The following SMIM23 variants were observed in gnomAD, a reference collection of about 807,000 sequenced individuals.
SMIM23 encodes small integral membrane protein 23.
In SMIM23, 10 loss-of-function variants were observed where a neutral mutation model predicts 12.8. The observed-to-expected ratio is 0.78, with a 90% CI of 0.48 to 1.32. The LOEUF (loss-of-function observed/expected upper bound fraction) is 1.32. Among genes scored for constraint, SMIM23 ranks in the 40% most tolerant of loss-of-function variants. The pLI is 0.00. For missense variants in SMIM23, 184 were observed against 198.2 expected (o/e 0.93, Z 0.43); for synonymous variants, 78 against 80.1 (o/e 0.97, Z 0.14).
intron 1 of SMIM23, among the ~76,000 whole-genome samples, chr5:171,789,392 C>A (rs938070118): frequency 6.6e-6 from 1 of 152,114 alleles, no homozygotes; most frequent in African/African-American, 2.4e-5. Context: ...CATACATTTA[C>A]CATATAACCC....
upstream of SMIM23, among the ~76,000 whole-genome samples, chr5:171,781,177 T>C (rs1451693654): frequency 1.3e-5 from 2 of 152,168 alleles, no homozygotes; most frequent in Non-Finnish European, 2.9e-5. Context: ...CGGTAAGGTT[T>C]TCCTTTTAAT....
At chr5:171,788,173 AACACACAC>A (rs10566750) in intron 1 of SMIM23, among the ~76,000 whole-genome samples, 5 of 145,678 alleles carry the variant, frequency 3.4e-5, no homozygotes, top group African/African-American at 7.5e-5. Flanking sequence ...CACACACACA[AACACACAC>A]ACACACACAC....
At chr5:171,790,117 C>A in intron 1 of SMIM23, 113 bp from the exon 2 acceptor site, 2 of 1,083,366 alleles carry the variant, frequency 1.8e-6, no homozygotes, top group Non-Finnish European at 2.7e-6. Flanking sequence ...AAGTTAAACT[C>A]AAAAAACTGT....
the SMIM23 span, chr5:171,774,668 C>G: frequency 2.2e-6 from 1 of 451,860 alleles, no homozygotes. Context: ...GGCTCGCCCA[C>G]AAATCCCAGG....
At chr5:171,779,639 G>A (rs1273122595), upstream of SMIM23, among the ~76,000 whole-genome samples, 1 of 152,108 alleles carries the variant, frequency 6.6e-6, no homozygotes, top group Non-Finnish European at 1.5e-5. Flanking sequence ...TGCCAATTAT[G>A]TCATCTCTAT....
chr5:171,777,367 T>C, the SMIM23 span, among the ~76,000 whole-genome samples: 1 of 152,216 alleles, frequency 6.6e-6, no homozygotes, highest in Admixed American at 6.5e-5. Context: ...GCCGAACGCC[T>C]CATAAATTAA....
chr5:171,787,429 C>T (rs2113650976), intron 1 of SMIM23, among the ~76,000 whole-genome samples: 1 of 152,202 alleles, frequency 6.6e-6, no homozygotes, highest in Non-Finnish European at 1.5e-5. Context: ...GACTCAAACT[C>T]AATCCTAGTC....
chr5:171,786,083 C>A lies in SMIM23; in HGVS notation c.105+107C>A, dbSNP rs761816056. On this transcript the variant is annotated intron_variant, in intron 1 of 3. Transcript: ENST00000523047. ...GCCCGGAATGAATCTTGGACCCAAC[C>A]GTCCCTGGATCCCACTCTGATGGAG... 72 of 905,400 alleles carry A rather than the reference C, an allele frequency of 8.0e-5. 1 individual carries two copies. In the Middle Eastern group the frequency reaches 7.7e-3, roughly 97 times the overall value. 56.1% of individuals were successfully genotyped at this position (905,400 alleles called of 1,614,324 possible).
At chr5:171,785,032 T>C (rs1418839281), upstream of SMIM23, among the ~76,000 whole-genome samples, 1 of 152,132 alleles carries the variant, frequency 6.6e-6, no homozygotes, top group Non-Finnish European at 1.5e-5. Flanking sequence ...TTAAGGACAG[T>C]GTGGGTGGGG....
chr5:171,781,540 C>G (rs1037412410), upstream of SMIM23, among the ~76,000 whole-genome samples: 1 of 148,726 alleles, frequency 6.7e-6, no homozygotes, highest in East Asian at 1.9e-4. Context: ...GAGAAGTGCC[C>G]CCCCCCGTCT....
intron 1 of SMIM23, 82 bp downstream of exon 1, chr5:171,786,058 G>T (rs1022813758): frequency 8.7e-7 from 1 of 1,149,920 alleles, no homozygotes. Context: ...GTCCCTCAAA[G>T]CCCGGAATGA....
chr5:171,790,369 C>G, intron 2 of SMIM23, 88 bp downstream of exon 2: 1 of 1,491,864 alleles, frequency 6.7e-7, no homozygotes, highest in Admixed American at 2.0e-5. Context: ...GTTAAGGGGA[C>G]CTCCATAACC....
chr5:171,786,733 G>A (rs1309406971), intron 1 of SMIM23, among the ~76,000 whole-genome samples: 3 of 152,116 alleles, frequency 2.0e-5, no homozygotes, highest in Admixed American at 6.5e-5. Flanking sequence ...ACCTTGTAGC[G>A]TATAACAGGG....
chr5:171,778,130 C>T (rs1382853433), upstream of SMIM23, among the ~76,000 whole-genome samples: 2 of 152,166 alleles, frequency 1.3e-5, no homozygotes, highest in South Asian at 2.1e-4. Flanking sequence ...GAGGCCGAGG[C>T]GGGCGGATCA....
chr5:171,787,325 C>A, intron 1 of SMIM23, among the ~76,000 whole-genome samples: 1 of 152,102 alleles, frequency 6.6e-6, no homozygotes, highest in Admixed American at 6.5e-5. Context: ...TTTTGAAAGA[C>A]TTTGCAGTGT....
the SMIM23 span, chr5:171,773,667 C>T: frequency 5.0e-6 from 2 of 398,860 alleles, no homozygotes; most frequent in African/African-American, 4.2e-5. Flanking sequence ...CCCTCAAGAC[C>T]AGGCAGGCAT....
upstream of SMIM23, among the ~76,000 whole-genome samples, chr5:171,782,058 C>T (rs1755737881): frequency 6.6e-6 from 1 of 152,206 alleles, no homozygotes. Flanking sequence ...AGGTACCTTT[C>T]TAGGTTGTGG....
At chr5:171,785,665 C>G (rs998920346), upstream of SMIM23, among the ~76,000 whole-genome samples, 2 of 152,186 alleles carry the variant, frequency 1.3e-5, no homozygotes, top group African/African-American at 4.8e-5. Context: ...TCTTCCTGAT[C>G]TTTGTTTTCT....
chr5:171,781,846 T>A (rs976043891), upstream of SMIM23, among the ~76,000 whole-genome samples: 2 of 152,044 alleles, frequency 1.3e-5, no homozygotes, highest in African/African-American at 4.8e-5. Context: ...AAAGCACCAA[T>A]CAGCACTCTG....
Sources: allele counts gnomAD v4.1 joint callset (sites outside exome capture counted in the v4.1 genomes callset), GRCh38; gene constraint gnomAD v4.1.1; transcripts MANE v1.5; gene names NCBI Gene and HGNC (gene_info 2026-07-23, HGNC 2026-07-21).